KCNQ3: variants seen among roughly 807,000 people sequenced by gnomAD.
The protein encoded by KCNQ3 is potassium voltage-gated channel subfamily Q member 3.
In KCNQ3, 30 loss-of-function variants were observed where a neutral mutation model predicts 92.5. The ratio of observed to expected loss-of-function variants is 0.32; its 90% CI spans 0.24 to 0.44. KCNQ3 has a LOEUF of 0.44. KCNQ3 is among the 20% of genes least tolerant of loss of function. The probability of loss-of-function intolerance (pLI) is 1.00; values close to 1 mark genes in which losing one functional copy is unlikely to be tolerated. For synonymous variants in KCNQ3, 450 were observed against 468.8 expected, an observed-to-expected ratio of 0.96 and a Z score of 0.52; for missense variants, 913 against 1,140.3, an observed-to-expected ratio of 0.80 and a Z score of 2.87.
chr8:132,468,612 G>C (rs1238491258), intron 1 of KCNQ3, among the ~76,000 whole-genome samples: 1 of 152,234 alleles, frequency 6.6e-6, no homozygotes, highest in Non-Finnish European at 1.5e-5. Context: ...TGTTGCCCAA[G>C]AGGTGATATT....
chr8:132,478,514 CAG>C (rs1822464868), intron 1 of KCNQ3, among the ~76,000 whole-genome samples: 1 of 152,144 alleles, frequency 6.6e-6, no homozygotes, highest in South Asian at 2.1e-4. Flanking sequence ...TTGCTAGAGA[CAG>C]AGAGAGGAAT....
intron 1 of KCNQ3, among the ~76,000 whole-genome samples, chr8:132,421,606 A>C (rs1016675144): frequency 1.1e-4 from 17 of 152,116 alleles, no homozygotes; most frequent in Admixed American, 1.0e-3. Flanking sequence ...ATGACAGGTG[A>C]AAGTGGTCTT....
chr8:132,252,774 G>T (rs1815458026), intron 1 of KCNQ3, among the ~76,000 whole-genome samples: 1 of 152,170 alleles, frequency 6.6e-6, no homozygotes. Context: ...ACAGAGCGCT[G>T]ATTGGTGCGT....
chr8:132,227,083 A>C (rs1044988497), intron 1 of KCNQ3, among the ~76,000 whole-genome samples: 6 of 134,186 alleles, frequency 4.5e-5, no homozygotes, highest in African/African-American at 1.7e-4. Flanking sequence ...TTTTTTTTAG[A>C]TGGAGTCTCG....
At chr8:132,393,775 T>C (rs1289470354) in intron 1 of KCNQ3, among the ~76,000 whole-genome samples, 1 of 152,234 alleles carries the variant, frequency 6.6e-6, no homozygotes, top group Non-Finnish European at 1.5e-5. Context: ...CTGACTTTCC[T>C]GGGCTATCAC....
intron 1 of KCNQ3, among the ~76,000 whole-genome samples, chr8:132,307,171 C>G (rs529216774): frequency 2.0e-5 from 3 of 152,202 alleles, no homozygotes; most frequent in Non-Finnish European, 4.4e-5. Context: ...GTGTTAGAAT[C>G]TGGGCCAAAA....
At chr8:132,435,812 C>T (rs1821379462) in intron 1 of KCNQ3, among the ~76,000 whole-genome samples, 1 of 152,170 alleles carries the variant, frequency 6.6e-6, no homozygotes, top group African/African-American at 2.4e-5. Context: ...GCTGGGATTA[C>T]AGGTGTGGGC....
At chr8:132,316,996 T>G (rs537376748) in intron 1 of KCNQ3, among the ~76,000 whole-genome samples, 1 of 152,216 alleles carries the variant, frequency 6.6e-6, no homozygotes, top group Non-Finnish European at 1.5e-5. Context: ...TAAGGACAAT[T>G]TACACATCTG....
intron 1 of KCNQ3, among the ~76,000 whole-genome samples, chr8:132,266,957 T>G (rs1157228329): frequency 2.0e-5 from 3 of 152,286 alleles, no homozygotes; most frequent in East Asian, 3.9e-4. Context: ...ATTTCAAGAT[T>G]TATTTATTAT....
At chr8:132,343,283 C>A (rs1454963189) in intron 1 of KCNQ3, among the ~76,000 whole-genome samples, 2 of 152,172 alleles carry the variant, frequency 1.3e-5, no homozygotes, top group Non-Finnish European at 2.9e-5. Context: ...GACCCTGTGC[C>A]AGGCACATGG....
At chr8:132,246,407 T>C (rs1316268243) in intron 1 of KCNQ3, among the ~76,000 whole-genome samples, 1 of 152,252 alleles carries the variant, frequency 6.6e-6, no homozygotes, top group Admixed American at 6.5e-5. Flanking sequence ...CAGAGAAATA[T>C]GCTGCTTTAG....
intron 1 of KCNQ3, among the ~76,000 whole-genome samples, chr8:132,306,292 C>T (rs982598609): frequency 2.0e-5 from 3 of 152,190 alleles, no homozygotes; most frequent in South Asian, 4.1e-4. Context: ...ATCCTGGTAA[C>T]ATTCTGACTT....
intron 1 of KCNQ3, among the ~76,000 whole-genome samples, chr8:132,356,237 A>T (rs1819014892): frequency 6.6e-6 from 1 of 152,336 alleles, no homozygotes; most frequent in East Asian, 1.9e-4. Context: ...TTCAGCCATC[A>T]CGGAAGAAAT....
chr8:132,164,755 G>C (rs965721500), intron 8 of KCNQ3, among the ~76,000 whole-genome samples: 6 of 152,208 alleles, frequency 3.9e-5, no homozygotes, highest in African/African-American at 1.4e-4. Flanking sequence ...GGCATGGTAG[G>C]GAGAAAGTTT....
intron 1 of KCNQ3, among the ~76,000 whole-genome samples, chr8:132,305,605 G>T (rs559921370): frequency 5.3e-5 from 8 of 152,040 alleles, no homozygotes; most frequent in Non-Finnish European, 8.8e-5. Context: ...CAGGAAGTAG[G>T]GTGAGGCATT....
intron 1 of KCNQ3, among the ~76,000 whole-genome samples, chr8:132,423,954 A>G (rs1319051627): frequency 1.3e-5 from 2 of 152,148 alleles, no homozygotes; most frequent in African/African-American, 4.8e-5. Context: ...GGTCAAAAAA[A>G]TTATTTCTGG....
At chr8:132,282,032 A>G (rs1424728825) in intron 1 of KCNQ3, among the ~76,000 whole-genome samples, 2 of 152,050 alleles carry the variant, frequency 1.3e-5, no homozygotes, top group Admixed American at 1.3e-4. Flanking sequence ...GGTGGCTTCA[A>G]TGTACTTGCA....
chr8:132,323,587 G>A (rs1238504805), intron 1 of KCNQ3, among the ~76,000 whole-genome samples: 1 of 152,110 alleles, frequency 6.6e-6, no homozygotes, highest in Non-Finnish European at 1.5e-5. Flanking sequence ...AATGGCCGTA[G>A]GTGCTAAAAC....
At chr8:132,403,646 T>C (rs889449040) in intron 1 of KCNQ3, among the ~76,000 whole-genome samples, 4 of 152,150 alleles carry the variant, frequency 2.6e-5, no homozygotes, top group Admixed American at 1.3e-4. Context: ...GTATCATAGT[T>C]CCATTTCCAC....
Sources: allele counts gnomAD v4.1 joint callset (sites outside exome capture counted in the v4.1 genomes callset), GRCh38; gene constraint gnomAD v4.1.1; transcripts MANE v1.5; gene names NCBI Gene and HGNC (gene_info 2026-07-23, HGNC 2026-07-21).